STPG2: variants seen among roughly 807,000 people sequenced by gnomAD.
The protein encoded by STPG2 is sperm-tail PG-rich repeat-containing protein 2.
STPG2 carries 56 observed loss-of-function variants against 54.2 expected under a neutral mutation model. The observed-to-expected ratio is 1.03, with a 90% confidence interval of 0.83 to 1.29. STPG2 has a LOEUF of 1.29. Among genes scored for constraint, STPG2 ranks in the 50% most tolerant of loss-of-function variants. The pLI, the probability that STPG2 is intolerant of heterozygous loss-of-function variation, is 0.00. For synonymous variants in STPG2, 200 were observed against 181.8 expected (o/e 1.10, Z -0.81); for missense variants, 596 against 544.9 (o/e 1.09, Z -0.93).
chr4:97,997,470 A>C (rs1735278576), intron 5 of STPG2, among the ~76,000 whole-genome samples: 1 of 152,164 alleles, frequency 6.6e-6, no homozygotes, highest in African/African-American at 2.4e-5. Context: ...GAACTCACCC[A>C]CTATCATGAG....
chr4:97,887,120 T>C (rs563849524), intron 8 of STPG2, among the ~76,000 whole-genome samples: 2 of 152,220 alleles, frequency 1.3e-5, no homozygotes, highest in South Asian at 2.1e-4. Context: ...TATTTCTTCA[T>C]AGCAATGCAA....
At chr4:98,096,251 G>A (rs1444415937) in intron 5 of STPG2, among the ~76,000 whole-genome samples, 1 of 152,042 alleles carries the variant, frequency 6.6e-6, no homozygotes, top group Non-Finnish European at 1.5e-5. Context: ...AAAACAATTA[G>A]CCAGGCATGG....
At chr4:97,971,624 A>G (rs1390931402) in intron 7 of STPG2, among the ~76,000 whole-genome samples, 2 of 152,096 alleles carry the variant, frequency 1.3e-5, no homozygotes, top group Non-Finnish European at 2.9e-5. Flanking sequence ...CAGGGCAGGG[A>G]ACATCACACA....
chr4:97,975,696 CTTAA>C (rs1734476354), intron 6 of STPG2, among the ~76,000 whole-genome samples: 1 of 152,128 alleles, frequency 6.6e-6, no homozygotes, highest in South Asian at 2.1e-4. Context: ...CTGCATTCTA[CTTAA>C]TTAGTCCTGC....
intron 9 of STPG2, among the ~76,000 whole-genome samples, chr4:97,742,438 T>C (rs1482942258): frequency 6.6e-6 from 1 of 151,064 alleles, no homozygotes; most frequent in Non-Finnish European, 1.5e-5. Flanking sequence ...ATAGCTGCAC[T>C]GCCATGTTCA....
At chr4:97,495,834 A>C (rs2148830085) in intron 4 of STPG2, among the ~76,000 whole-genome samples, 1 of 151,702 alleles carries the variant, frequency 6.6e-6, no homozygotes, top group Admixed American at 6.6e-5. Context: ...AAAATAAGTA[A>C]ATAAATGGCT....
At chr4:97,594,954 G>A (rs1374882551) in intron 10 of STPG2, among the ~76,000 whole-genome samples, 1 of 152,144 alleles carries the variant, frequency 6.6e-6, no homozygotes, top group Non-Finnish European at 1.5e-5. Context: ...GAAACAACAG[G>A]TGCTGGAGAG....
chr4:98,111,865 G>A (rs1739370937), intron 3 of STPG2, among the ~76,000 whole-genome samples: 1 of 152,056 alleles, frequency 6.6e-6, no homozygotes, highest in Non-Finnish European at 1.5e-5. Flanking sequence ...GATCTGAGAT[G>A]CCCATCTTCT....
intron 5 of STPG2, among the ~76,000 whole-genome samples, chr4:98,084,535 A>T (rs1239957400): frequency 6.6e-6 from 1 of 152,190 alleles, no homozygotes; most frequent in Non-Finnish European, 1.5e-5. Context: ...AAACTGTCCA[A>T]ATTTTTCCAG....
chr4:97,888,131 CA>C lies in STPG2; in HGVS notation c.1045-47200del, dbSNP rs1486118483. Among the ~76,000 whole-genome samples the C allele has an allele frequency of 9.9e-5, 15 of 152,190 alleles. No individual in the cohort carries two copies. The East Asian group carries it at 2.9e-3, about 29-fold the overall frequency. On this transcript the variant is annotated intron_variant, in intron 8 of 10. Transcript: ENST00000295268. The stretch of plus-strand genomic sequence containing the variant: ...GAAGCCTGCTGCAGGGGCAGAGCCT[CA>C]AAGGGAACCCCTACTAGGGCAGTGC...
At chr4:97,660,004 C>CTTTTT (rs1274412068) in intron 10 of STPG2, among the ~76,000 whole-genome samples, 2 of 140,966 alleles carry the variant, frequency 1.4e-5, no homozygotes, top group African/African-American at 2.6e-5. Flanking sequence ...ATCTTTCTTT[C>CTTTTT]TTTTTTTTTT....
chr4:98,031,506 A>G (rs13103558), intron 5 of STPG2, among the ~76,000 whole-genome samples: 59,811 of 151,682 alleles, frequency 0.39, 12,026 homozygotes, highest in Middle Eastern at 0.46. Flanking sequence ...GTGAAACCCC[A>G]TCTCTACTAA....
intron 5 of STPG2, among the ~76,000 whole-genome samples, chr4:98,020,579 T>C (rs1440578538): frequency 6.6e-6 from 1 of 152,170 alleles, no homozygotes; most frequent in Non-Finnish European, 1.5e-5. Context: ...ATAGGAATAG[T>C]TTCAGAAGGA....
chr4:98,029,622 T>C lies in STPG2; in HGVS notation c.613-48304A>G, dbSNP rs530280741. 3.0e-4 allele frequency among the ~76,000 whole-genome samples: 46 copies of C among 152,318 alleles called. 1 individual carries two copies. The highest frequency in any genetic ancestry group is 1.1e-3 in the African/African-American group (45 of 41,584). On this transcript the variant is annotated intron_variant, in intron 5 of 10. Transcript: ENST00000295268. ...AGTTGTATCATGCTTTTATATTTTA[T>C]ATTAGTTATCTGCAGAAGAGGACAT...
chr4:97,726,109 A>G (rs983052384), intron 9 of STPG2, among the ~76,000 whole-genome samples: 1 of 151,966 alleles, frequency 6.6e-6, no homozygotes, highest in African/African-American at 2.4e-5. Context: ...AGAAAAATCA[A>G]TCCAAACAAA....
chr4:97,924,707 G>T (rs185934767), intron 8 of STPG2, among the ~76,000 whole-genome samples: 6 of 152,014 alleles, frequency 3.9e-5, no homozygotes, highest in Non-Finnish European at 5.9e-5. Context: ...TGTTTTATTC[G>T]TCATAAATTT....
intron 10 of STPG2, among the ~76,000 whole-genome samples, chr4:97,648,343 C>T (rs1012212545): frequency 3.3e-5 from 5 of 152,134 alleles, no homozygotes; most frequent in African/African-American, 1.2e-4. Flanking sequence ...ATGCTGGTAT[C>T]TACCTGGCTT....
intron 8 of STPG2, among the ~76,000 whole-genome samples, chr4:97,915,000 T>C (rs1305867990): frequency 6.6e-6 from 1 of 152,234 alleles, no homozygotes; most frequent in Non-Finnish European, 1.5e-5. Context: ...CATTCCTTTT[T>C]AAGGCTGAAT....
chr4:97,466,101 A>G (rs1729782679), intron 4 of STPG2, among the ~76,000 whole-genome samples: 1 of 152,122 alleles, frequency 6.6e-6, no homozygotes. Context: ...ATATCTATGT[A>G]TTATAATACC....
Sources: gnomAD v4.1 joint callset for allele counts (sites outside exome capture counted in the v4.1 genomes callset) on GRCh38, gnomAD v4.1.1 for gene constraint, MANE v1.5 for transcripts, NCBI Gene and HGNC (gene_info 2026-07-23, HGNC 2026-07-21) for gene names.